Variants in MCM7 observed in about 807,000 individuals in gnomAD.
The protein encoded by MCM7 is DNA replication licensing factor MCM7.
Under a neutral mutation model 83.5 loss-of-function variants are expected in MCM7, and 95 were observed. The observed-to-expected ratio is 1.14, with a 90% CI of 0.96 to 1.35. The LOEUF (loss-of-function observed/expected upper bound fraction) is 1.35, where lower values mean the gene tolerates loss of function less well. Ranked by LOEUF, MCM7 falls within the 40% of genes most tolerant of loss-of-function variation. The pLI, the probability that MCM7 is intolerant of heterozygous loss-of-function variation, is 0.00. For synonymous variants in MCM7, 461 were observed against 352.7 expected (o/e 1.31, Z -3.44); for missense variants, 1,087 against 957.4 (o/e 1.14, Z -1.79).
At chr7:100,100,878 T>G in intron 1 of MCM7, 2 of 1,047,470 alleles carry the variant, frequency 1.9e-6, no homozygotes, top group Non-Finnish European at 1.2e-6. Context: ...TACGCGCGCC[T>G]GGGGAGGGCG....
At chr7:100,094,589 G>T (rs1295741643) in intron 12 of MCM7, among the ~76,000 whole-genome samples, 1 of 152,132 alleles carries the variant, frequency 6.6e-6, no homozygotes, top group African/African-American at 2.4e-5. Flanking sequence ...AATGGCCTTT[G>T]TAAGACAAAT....
intron 1 of MCM7, chr7:100,100,673 C>A (rs994825696): frequency 7.1e-6 from 7 of 990,076 alleles, no homozygotes; most frequent in East Asian, 1.1e-4. Context: ...CGGGCCCGAG[C>A]GAAGCTCCGG....
chr7:100,098,994 T>C, intron 5 of MCM7, 29 bp downstream of exon 5: 2 of 1,612,778 alleles, frequency 1.2e-6, no homozygotes, highest in East Asian at 2.2e-5. Flanking sequence ...AATGGGTAAG[T>C]GCTTTCCTGC....
In MCM7 at chr7:100,097,295, A is replaced by C. The variant is rs750554869; in HGVS notation, c.1201+6T>G. ...TATTCACCTCCCGCAAAGCCCAACT[A>C]CTTACTGCGAGGCGCCAGTCGATCA... On this transcript the variant is annotated splice_donor_region_variant and intron_variant, in intron 10 of 14. Coordinates refer to ENST00000303887, the MANE Select transcript of MCM7 (RefSeq NM_005916.5). 8.7e-6 allele frequency: 14 copies of C among 1,613,624 alleles called. No individual in the cohort carries two copies. Among genetic ancestry groups the C allele is most frequent in the Middle Eastern group, 3.3e-4 (2 of 6,060 alleles).
chr7:100,092,924 G>C lies in MCM7; in HGVS notation c.*8C>G. On this transcript the variant is annotated 3_prime_UTR_variant, in exon 15 of 15. Transcript: ENST00000303887. ...CAAGAGGACCCCAGGGTTGCAAGCA[G>C]GCTGGAATCAGACAAAAGTGATCCG... 6.2e-7 allele frequency: 1 copy of C among 1,614,222 alleles called. No individual in the cohort carries two copies. Among genetic ancestry groups the C allele is most frequent in the African/African-American group, 1.3e-5 (1 of 75,068 alleles).
intron 1 of MCM7, chr7:100,100,400 GCTTT>G: frequency 9.4e-7 from 1 of 1,061,778 alleles, no homozygotes; most frequent in Non-Finnish European, 1.1e-6. Context: ...AAGGTTCTCA[GCTTT>G]CTTTCCACCC....
chr7:100,098,044 TTTG>T (rs1795736867), intron 7 of MCM7, 94 bp downstream of exon 7: 1 of 1,578,642 alleles, frequency 6.3e-7, no homozygotes, highest in South Asian at 1.1e-5. Context: ...TGGGTTCTGT[TTTG>T]TTTGGGGTTT....
Position 100,094,212 on chromosome 7 carries a change from G to A in MCM7, c.1809C>T (p.Ala603=). The A allele has an allele frequency of 6.2e-7, 1 of 1,614,204 alleles. No individual in the cohort carries two copies. The highest frequency in any genetic ancestry group is 8.5e-7 in the Non-Finnish European group (1 of 1,180,042). The change falls in exon 13 of 15, where the codon GCC becomes GCT. Residue 603 remains alanine (A), a synonymous_variant. Transcript: ENST00000303887. ...WASKDATYTS[A]RTLLAILRLS... ...GGCGCAGGATAGCCAGCAGGGTCCG[G>A]GCAGAAGTATAGGTGGCATCCTTAC...
rs368686483 is a variant in MCM7, at chr7:100,093,074, C to T, written c.2018G>A (p.Arg673Gln). ...ATVRELVSGGRSVRFSEAEQR... is the reference protein window; with the variant it reads ...ATVRELVSGGQSVRFSEAEQR... ...CTCTGCCTCAGAGAACCGGACACTT[C>T]GGCCCCCTGAGACCAGTTCACGGAC... The change falls in exon 15 of 15, where the codon CGA (arginine) becomes CAA (glutamine). Residue 673 changes from arginine (R) to glutamine (Q), a missense_variant. By Grantham distance (43) the Arg-to-Gln change is conservative (BLOSUM62 1). Transcript: ENST00000303887. 19 of 1,614,094 alleles carry T rather than the reference C, an allele frequency of 1.2e-5. No individual in the cohort carries two copies. The highest frequency in any genetic ancestry group is 4.0e-5 in the African/African-American group (3 of 74,938).
rs765748869 is a variant in MCM7, at chr7:100,097,797, T to C, written c.985+37A>G. The C allele has an allele frequency of 4.3e-6, 7 of 1,614,072 alleles. No homozygotes were observed. The East Asian group carries it at 6.7e-5, about 15-fold the overall frequency. ...TTTCTGGGGGAAAAGGGAGCTAGGATGTAAACGGAATTTCCTCTCTCTCCC... is the reference window on the plus strand; with the variant it reads ...TTTCTGGGGGAAAAGGGAGCTAGGACGTAAACGGAATTTCCTCTCTCTCCC... On this transcript the variant is annotated intron_variant, in intron 8 of 14. Coordinates refer to ENST00000303887, the MANE Select transcript of MCM7 (RefSeq NM_005916.5).
chr7:100,098,653 G>A lies in MCM7; in HGVS notation c.645C>T (p.Arg215=), dbSNP rs1347789814. The stretch of plus-strand genomic sequence containing the variant: ...TCTGCAGATACAGCCGCCCTCCTGA[G>A]CGGTTGGTTTGGCACTCCTGGCTTG... The part of the protein sequence containing the change: ...MCPSQECQTN[R]SGGRLYLQTR... The change falls in exon 6 of 15, where the codon CGC becomes CGT. Residue 215 remains arginine, a synonymous_variant. Coordinates refer to ENST00000303887, the MANE Select transcript of MCM7 (RefSeq NM_005916.5). 1.9e-6 allele frequency: 3 copies of A among 1,614,128 alleles called. No homozygotes were observed. Among genetic ancestry groups the A allele is most frequent in the Non-Finnish European group, 2.5e-6 (3 of 1,180,026 alleles).
In MCM7 at chr7:100,095,868, G is replaced by C. The variant is rs1313547431; in HGVS notation, c.1501C>G (p.Leu501Val). ...GCAGGTAGCTGTATGTTCTGCTCCA[G>C]GCTGCGGCGAGGGTTGTAGCGCCCG... ...AYGRYNPRRS[L>V]EQNIQLPAAL... is the part of the protein sequence containing the mutation. The change falls in exon 11 of 15, where the codon CTG (leucine) becomes GTG (valine). Residue 501 changes from leucine (L) to valine (V), a missense_variant. Physicochemically the swap from Leu to Val is conservative, Grantham distance 32. Coordinates refer to ENST00000303887, the MANE Select transcript of MCM7 (RefSeq NM_005916.5). 6.2e-7 allele frequency: 1 copy of C among 1,613,542 alleles called. No individual in the cohort carries two copies. The highest frequency in any genetic ancestry group is 1.3e-5 in the African/African-American group (1 of 75,044).
chr7:100,099,861 C>T (rs987473337), intron 2 of MCM7, 108 bp from the exon 3 acceptor site: 16 of 1,493,352 alleles, frequency 1.1e-5, no homozygotes, highest in Non-Finnish European at 1.5e-5. Context: ...TCTGGGCATC[C>T]ACAGGGGAGA....
chr7:100,099,867 G>T, intron 2 of MCM7, 114 bp from the exon 3 acceptor site: 5 of 1,460,704 alleles, frequency 3.4e-6, no homozygotes, highest in Non-Finnish European at 4.7e-6. Context: ...CATCCACAGG[G>T]GAGAACGCAG....
In MCM7 at chr7:100,095,770, T is replaced by TCAC; in HGVS notation, c.1595+1_1595+3dup. ...CCTCTCTTTGGGTGTTGAGCTTCATTCACCGTAGGTCATTGTCTCGGTCGG... is the reference window on the plus strand; with the variant it reads ...CCTCTCTTTGGGTGTTGAGCTTCATTCACCACCGTAGGTCATTGTCTCGGTCGG... On this transcript the variant is annotated splice_donor_region_variant and intron_variant, in intron 11 of 14. Transcript: ENST00000303887. The TCAC allele has an allele frequency of 6.4e-7, 1 of 1,563,828 alleles. No individual in the cohort carries two copies. Among genetic ancestry groups the TCAC allele is most frequent in the Non-Finnish European group, 8.6e-7 (1 of 1,156,110 alleles).
Position 100,100,938 on chromosome 7 carries a change from C to T in MCM7, c.31+326G>A, listed in dbSNP as rs577157694. The T allele has an allele frequency of 6.3e-5, 65 of 1,037,410 alleles. 1 individual carries two copies. In the South Asian group the frequency reaches 1.8e-3, roughly 29 times the overall value. 64.3% of individuals were successfully genotyped at this position (1,037,410 alleles called of 1,614,324 possible). A position where few individuals can be genotyped will look rare whatever the true frequency, so the allele number is the denominator to read the frequency against. On this transcript the variant is annotated intron_variant, in intron 1 of 14. Transcript: ENST00000303887. ...CGCGAAGGAAAGCGGGCACGGGAGC[C>T]CAGAGCCCTTAAGACTCTCCTGAGG...
intron 1 of MCM7, chr7:100,100,428 C>G (rs1365910558): frequency 9.8e-7 from 1 of 1,023,544 alleles, no homozygotes; most frequent in Non-Finnish European, 1.2e-6. Context: ...TGATCCCCCG[C>G]CTTCTTTGGG....
At chr7:100,098,487 G>T (rs1795762128) in intron 6 of MCM7, 91 bp downstream of exon 6, 1 of 1,576,742 alleles carries the variant, frequency 6.3e-7, no homozygotes, top group Admixed American at 1.7e-5. Context: ...TCCCTCTTTT[G>T]TTCTTCTTTC....
In MCM7 at chr7:100,095,930, G is replaced by A. The variant is rs771259725; in HGVS notation, c.1439C>T (p.Ala480Val). The change falls in exon 11 of 15, where the codon GCC becomes GTC. Residue 480 changes from alanine to valine, a missense_variant. Ala to Val is a moderately conservative substitution (Grantham distance 64). Transcript: ENST00000303887. ...AKAGILTTLN[A>V]RCSILAAANP... ...GGCGGCAGCCAGGATGGAGCAGCGG[G>A]CATTGAGTGTGGTGAGAATGCCGGC... 1.9e-6 allele frequency: 3 copies of A among 1,614,014 alleles called. No homozygotes were observed. Among genetic ancestry groups the A allele is most frequent in the Admixed American group, 3.3e-5 (2 of 60,026 alleles).
Sources: allele counts gnomAD v4.1 joint callset (sites outside exome capture counted in the v4.1 genomes callset), GRCh38; gene constraint gnomAD v4.1.1; transcripts MANE v1.5; gene names NCBI Gene and HGNC (gene_info 2026-07-23, HGNC 2026-07-21).